The following NRF1 variants were observed in gnomAD, a reference collection of about 807,000 sequenced individuals.
NRF1 encodes nuclear respiratory factor 1, also known as alpha palindromic-binding protein.
NRF1 carries 5 observed loss-of-function variants against 58.5 expected under a neutral mutation model. That is an observed-to-expected ratio of 0.09 (90% confidence interval 0.04 to 0.18). The LOEUF is 0.18. NRF1 is among the 10% of genes least tolerant of loss of function. The probability of loss-of-function intolerance (pLI) is 1.00; values close to 1 mark genes in which losing one functional copy is unlikely to be tolerated. For missense variants in NRF1, 288 were observed against 657.7 expected (o/e 0.44, Z 6.15); for synonymous variants, 224 against 246.7 (o/e 0.91, Z 0.86).
intron 1 of NRF1, among the ~76,000 whole-genome samples, chr7:129,614,694 C>T (rs909211129): frequency 2.6e-5 from 4 of 151,992 alleles, no homozygotes; most frequent in African/African-American, 4.8e-5. Context: ...ATAATGAGGG[C>T]CCTTGTCCAG....
At chr7:129,637,358 T>C (rs895329289) in intron 1 of NRF1, among the ~76,000 whole-genome samples, 3 of 152,110 alleles carry the variant, frequency 2.0e-5, no homozygotes, top group Non-Finnish European at 2.9e-5. Flanking sequence ...TCTGTATGTG[T>C]CCCTGATTTC....
chr7:129,755,269 C>G lies in NRF1; in HGVS notation c.*88C>G, dbSNP rs1804225234. On this transcript the variant is annotated 3_prime_UTR_variant, in exon 11 of 11. Transcript: ENST00000393232. This position sits in a 1 kb window ranked among gnomAD's most constrained non-coding sequence, Gnocchi z 5.8. The stretch of plus-strand genomic sequence containing the variant: ...GGTGCAATCAAATGGAATTAAGTCT[C>G]TCGACTTTGGAAGGAAAGTTTTGTT... 2.8e-5 allele frequency: 33 copies of G among 1,179,438 alleles called. No individual in the cohort carries two copies. In the East Asian group the frequency reaches 9.5e-4, roughly 34 times the overall value. 73.1% of individuals were successfully genotyped at this position (1,179,438 alleles called of 1,614,324 possible).
chr7:129,624,480 T>C (rs902995416), intron 1 of NRF1, among the ~76,000 whole-genome samples: 1 of 152,198 alleles, frequency 6.6e-6, no homozygotes, highest in Non-Finnish European at 1.5e-5. Context: ...TCTAACATTT[T>C]ATAATTTTAG....
intron 8 of NRF1, 47 bp from the exon 9 acceptor site, chr7:129,717,172 T>C (rs1434709097): frequency 1.9e-6 from 3 of 1,540,372 alleles, no homozygotes; most frequent in Non-Finnish European, 2.6e-6. Context: ...TGTAAAATTG[T>C]ACTTTTGTGG....
intron 1 of NRF1, among the ~76,000 whole-genome samples, chr7:129,624,370 A>G (rs938317332): frequency 3.3e-5 from 5 of 152,218 alleles, no homozygotes; most frequent in Non-Finnish European, 5.9e-5. Context: ...TACCAAGCAC[A>G]GTGCCTGAGA....
rs546523565 is a variant in NRF1 at position 129,643,387 on chromosome 7, C to T, written c.-6-13959C>T. Among the ~76,000 whole-genome samples the T allele has an allele frequency of 1.9e-4, 29 of 152,196 alleles. 1 individual carries two copies. Among genetic ancestry groups the T allele is most frequent in the South Asian group, 4.2e-4 (2 of 4,816 alleles). ...TTTGTGCTTATTTGAGACTGGGGGG[C>T]GGGACTTGTGGCAATTTACGTTATT... On this transcript the variant is annotated intron_variant, in intron 1 of 10. Coordinates refer to ENST00000393232, the MANE Select transcript of NRF1 (RefSeq NM_005011.5).
Position 129,713,160 on chromosome 7 carries a change from G to A in NRF1, c.1065+1584G>A, listed in dbSNP as rs576065793. On this transcript the variant is annotated intron_variant, in intron 8 of 10. Coordinates refer to ENST00000393232, the MANE Select transcript of NRF1 (RefSeq NM_005011.5). ...GGCCCAGGCTGGAGTGTAGTGGCAC[G>A]ATCTCAGCTCACTGCAACCTCCGCC... 8.9e-5 allele frequency among the ~76,000 whole-genome samples: 13 copies of A among 145,300 alleles called. No individual in the cohort carries two copies. The South Asian group carries it at 9.0e-4, about 10-fold the overall frequency.
At chr7:129,635,811 C>A (rs1801158623) in intron 1 of NRF1, among the ~76,000 whole-genome samples, 1 of 152,100 alleles carries the variant, frequency 6.6e-6, no homozygotes, top group African/African-American at 2.4e-5. Flanking sequence ...TGTCTATACA[C>A]CCCGTTAGAA....
chr7:129,723,886 A>T (rs1803390951), intron 9 of NRF1, among the ~76,000 whole-genome samples: 1 of 152,236 alleles, frequency 6.6e-6, no homozygotes, highest in African/African-American at 2.4e-5. Flanking sequence ...CATACAAAAG[A>T]ATGAAGTTGG....
At chr7:129,626,496 A>G (rs1416243206) in intron 1 of NRF1, among the ~76,000 whole-genome samples, 1 of 152,200 alleles carries the variant, frequency 6.6e-6, no homozygotes, top group Non-Finnish European at 1.5e-5. Context: ...GATTGAACTT[A>G]TATTGGATAA....
chr7:129,719,411 C>A (rs184438367), intron 9 of NRF1, among the ~76,000 whole-genome samples: 1 of 151,998 alleles, frequency 6.6e-6, no homozygotes, highest in Non-Finnish European at 1.5e-5. Context: ...GGATTACAGG[C>A]GTAAGCCACC....
At chr7:129,614,862 AAT>A (rs374107675) in intron 1 of NRF1, among the ~76,000 whole-genome samples, 29 of 152,262 alleles carry the variant, frequency 1.9e-4, no homozygotes, top group Admixed American at 5.2e-4. Context: ...CCATGATTTA[AAT>A]ACCTGAATTT....
rs556098435 is a variant in NRF1, at chr7:129,670,772, C to T, written c.224-657C>T. Among the ~76,000 whole-genome samples, 3 of 152,326 alleles carry T rather than the reference C, an allele frequency of 2.0e-5. No individual in the cohort carries two copies. The South Asian group carries it at 6.2e-4, about 32-fold the overall frequency. ...TACATTAGTTTCAAGGCAAGCCAGACTAACTTTTATTAACATTTTCTCAGA... is the reference window on the plus strand; with the variant it reads ...TACATTAGTTTCAAGGCAAGCCAGATTAACTTTTATTAACATTTTCTCAGA... On this transcript the variant is annotated intron_variant, in intron 2 of 10. Coordinates refer to ENST00000393232, the MANE Select transcript of NRF1 (RefSeq NM_005011.5).
chr7:129,625,208 C>T (rs1335442559), intron 1 of NRF1, among the ~76,000 whole-genome samples: 1 of 152,160 alleles, frequency 6.6e-6, no homozygotes. Flanking sequence ...TAATCTCTAT[C>T]TGCTTCACCC....
At position 129,657,224 on chromosome 7, in the gene NRF1, TAAGTAGTGAAATTGG is replaced by T. The variant is rs973985154; in HGVS notation, c.-6-119_-6-105del. 23 of 675,098 alleles carry T rather than the reference TAAGTAGTGAAATTGG, an allele frequency of 3.4e-5. No homozygotes were observed. In the African/African-American group the frequency reaches 3.7e-4, roughly 11 times the overall value. The allele number at this position is 675,098 out of a possible 1,614,324, so 41.8% of individuals were successfully genotyped here. A position where few individuals can be genotyped will look rare whatever the true frequency, so the allele number is the denominator to read the frequency against. On this transcript the variant is annotated intron_variant, in intron 1 of 10. Transcript: ENST00000393232. ...TTTCCTGTGACTTGGTGTGGCACGG[TAAGTAGTGAAATTGG>T]AATTTTGTCAAGGTTCCTCTGCTCT...
In NRF1 at chr7:129,657,536, C is replaced by T; in HGVS notation, c.185C>T (p.Thr62Ile). The T allele has an allele frequency of 6.2e-7, 1 of 1,613,922 alleles. No homozygotes were observed. The highest frequency in any genetic ancestry group is 8.5e-7 in the Non-Finnish European group (1 of 1,179,948). ...GATGACTCAGATATACTCAACTCCA[C>T]AGCAGCTGATGAGGTGACAGCTCAT... ...SYDDSDILNS[T>I]AADEVTAHLA... The change falls in exon 2 of 11, where the codon ACA becomes ATA. Residue 62 changes from threonine (T) to isoleucine (I), a missense_variant. Around this residue, in one of 3 missense-constraint regions of NRF1, gnomAD observed 212 missense variants for 559.7 expected, o/e 0.38. Transcript: ENST00000393232.
intron 8 of NRF1, among the ~76,000 whole-genome samples, chr7:129,716,806 G>A (rs1803201044): frequency 6.6e-6 from 1 of 151,546 alleles, no homozygotes; most frequent in African/African-American, 2.4e-5. Flanking sequence ...GGATGTGGAG[G>A]TTGCAGTGAG....
intron 10 of NRF1, among the ~76,000 whole-genome samples, chr7:129,733,087 T>C (rs552326672): frequency 1.3e-5 from 2 of 151,520 alleles, no homozygotes; most frequent in East Asian, 4.0e-4. Context: ...AAAAGGTTCA[T>C]CTTTTAAATT....
chr7:129,674,873 T>G (rs1014229798), intron 3 of NRF1, among the ~76,000 whole-genome samples: 1 of 152,180 alleles, frequency 6.6e-6, no homozygotes. Context: ...AAGGTTGGGG[T>G]GGCTGCGGCA....
Sources: allele counts gnomAD v4.1 joint callset (sites outside exome capture counted in the v4.1 genomes callset), GRCh38; gene constraint gnomAD v4.1.1; regional missense constraint gnomAD v4.1.1; non-coding constraint Gnocchi (gnomAD v3.1); transcripts MANE v1.5; gene names NCBI Gene and HGNC (gene_info 2026-07-23, HGNC 2026-07-21).